The following CTNNA3 variants were observed in gnomAD, a reference collection of about 807,000 sequenced individuals.
CTNNA3 encodes the protein catenin alpha 3.
In CTNNA3, 76 loss-of-function variants were observed where a neutral mutation model predicts 95.7. The ratio of observed to expected loss-of-function variants is 0.79; its 90% CI spans 0.66 to 0.96. The LOEUF is 0.96. CTNNA3 is among the 40% of genes least tolerant of loss of function. The probability of loss-of-function intolerance (pLI) is 0.00; values close to 1 mark genes in which losing one functional copy is unlikely to be tolerated. For missense variants in CTNNA3, 1,191 were observed against 1,089.8 expected (o/e 1.09, Z -1.31); for synonymous variants, 431 against 374.4 (o/e 1.15, Z -1.74).
Position 67,566,051 on chromosome 10 carries a change from A to G in CTNNA3, c.293-26382T>C, listed in dbSNP as rs1332833681. 2.2e-3 allele frequency among the ~76,000 whole-genome samples: 182 copies of G among 81,670 alleles called. 22 individuals carry two copies. Among genetic ancestry groups the G allele is most frequent in the East Asian group, 0.012 (20 of 1,658 alleles). 53.6% of individuals were successfully genotyped at this position (81,670 alleles called of 152,430 possible). A position where few individuals can be genotyped will look rare whatever the true frequency, so the allele number is the denominator to read the frequency against. On this transcript the variant is annotated intron_variant, in intron 3 of 17. Coordinates refer to ENST00000433211, the MANE Select transcript of CTNNA3 (RefSeq NM_013266.4). ...CACACATATGTGTGTGTGTATATAT[A>G]TATATATATATATATATATATACAA...
chr10:67,616,567 G>A (rs1843664497), intron 2 of CTNNA3, among the ~76,000 whole-genome samples: 1 of 152,188 alleles, frequency 6.6e-6, no homozygotes, highest in Admixed American at 6.5e-5. Flanking sequence ...ATTGAATATG[G>A]GTTATGAAAG....
At position 65,920,635 on chromosome 10, in the gene CTNNA3, A is replaced by G. The variant is rs754788183; in HGVS notation, c.2401-18T>C. ...CTGTCCAACTGTAGGGAAAAAAGAG[A>G]AAAAAGAGCTATTATTCCAGGAGGT... On this transcript the variant is annotated intron_variant, in intron 17 of 17. Coordinates refer to ENST00000433211, the MANE Select transcript of CTNNA3 (RefSeq NM_013266.4). 3.1e-6 allele frequency: 5 copies of G among 1,599,312 alleles called. No individual in the cohort carries two copies. The highest frequency in any genetic ancestry group is 4.3e-6 in the Non-Finnish European group (5 of 1,170,822).
At chr10:66,701,693 T>A (rs960861480) in intron 9 of CTNNA3, among the ~76,000 whole-genome samples, 2 of 152,208 alleles carry the variant, frequency 1.3e-5, no homozygotes, top group Admixed American at 6.5e-5. Context: ...ACGGATCTTA[T>A]ATCCTGAAAC....
intron 13 of CTNNA3, among the ~76,000 whole-genome samples, chr10:66,254,470 G>A (rs934119170): frequency 4.6e-5 from 7 of 152,070 alleles, no homozygotes; most frequent in African/African-American, 1.7e-4. Flanking sequence ...CCACTTTAAA[G>A]TCCATAAAAA....
intron 9 of CTNNA3, among the ~76,000 whole-genome samples, chr10:66,714,096 C>T (rs1017303155): frequency 6.6e-6 from 1 of 152,112 alleles, no homozygotes; most frequent in Non-Finnish European, 1.5e-5. Context: ...GAGGAGACCA[C>T]ACCCAAAATG....
intron 7 of CTNNA3, among the ~76,000 whole-genome samples, chr10:67,144,724 G>A (rs889366364): frequency 3.9e-5 from 6 of 152,086 alleles, no homozygotes; most frequent in African/African-American, 1.4e-4. Flanking sequence ...CTTTGTGGCT[G>A]GTTTGATCTT....
chr10:67,095,087 T>C (rs1857902749), intron 7 of CTNNA3, among the ~76,000 whole-genome samples: 1 of 151,390 alleles, frequency 6.6e-6, no homozygotes, highest in South Asian at 2.1e-4. Flanking sequence ...TATATACACA[T>C]GGGTATATAT....
intron 2 of CTNNA3, among the ~76,000 whole-genome samples, chr10:67,642,722 A>AAT (rs1839579089): frequency 2.0e-5 from 3 of 152,084 alleles, no homozygotes; most frequent in African/African-American, 7.3e-5. Flanking sequence ...GTCTCAAAAA[A>AAT]AAAAAGTTCA....
In CTNNA3 at chr10:67,239,023, A is replaced by G. The variant is rs549533533; in HGVS notation, c.580-19153T>C. Among the ~76,000 whole-genome samples the G allele has an allele frequency of 5.9e-5, 9 of 152,322 alleles. No individual in the cohort carries two copies. The South Asian group carries it at 1.7e-3, about 28-fold the overall frequency. On this transcript the variant is annotated intron_variant, in intron 5 of 17. Transcript: ENST00000433211. ...CTCCAAGAAATAAAACATGGGGAAA[A>G]TATACCTTAATCCAGAGAGTTTGAA...
chr10:67,676,406 TG>T (rs1440355932), intron 1 of CTNNA3, among the ~76,000 whole-genome samples: 1 of 152,180 alleles, frequency 6.6e-6, no homozygotes, highest in Non-Finnish European at 1.5e-5. Flanking sequence ...GTAAAATATA[TG>T]TGTATATGTG....
intron 12 of CTNNA3, among the ~76,000 whole-genome samples, chr10:66,344,795 G>C (rs2092490220): frequency 6.6e-6 from 1 of 152,006 alleles, no homozygotes; most frequent in African/African-American, 2.4e-5. Context: ...GATTTAGAAA[G>C]CCAGTTGGTA....
intron 6 of CTNNA3, among the ~76,000 whole-genome samples, chr10:67,187,257 G>A (rs1239421676): frequency 2.6e-5 from 4 of 151,890 alleles, no homozygotes; most frequent in South Asian, 2.1e-4. Flanking sequence ...CATTTTGTGG[G>A]GTATTATCAT....
intron 16 of CTNNA3, among the ~76,000 whole-genome samples, chr10:65,967,729 T>C (rs146543122): frequency 3.5e-4 from 54 of 152,336 alleles, no homozygotes; most frequent in African/African-American, 1.3e-3. Context: ...TATCATACCA[T>C]GGTAAATAGC....
chr10:66,695,934 A>G (rs1336857513), intron 9 of CTNNA3, among the ~76,000 whole-genome samples: 1 of 151,630 alleles, frequency 6.6e-6, no homozygotes, highest in Non-Finnish European at 1.5e-5. Context: ...GGGCAATAAA[A>G]ATGTATTTTT....
chr10:66,865,010 A>G lies in CTNNA3; in HGVS notation c.1048-89486T>C, dbSNP rs1439698391. 2.0e-5 allele frequency among the ~76,000 whole-genome samples: 3 copies of G among 152,048 alleles called. No individual in the cohort carries two copies. The East Asian group carries it at 5.8e-4, about 29-fold the overall frequency. ...TTAGAGTGGCATATTTTAGAGAAAA[A>G]CCATAAAATATTGGAAAGAGAAAAG... On this transcript the variant is annotated intron_variant, in intron 7 of 17. Coordinates refer to ENST00000433211, the MANE Select transcript of CTNNA3 (RefSeq NM_013266.4).
chr10:67,750,937 C>T lies in CTNNA3; in HGVS notation c.-2+12497G>A, dbSNP rs189157202. ...CAGCCCCCTAGGCTCTCCGGATAGA[C>T]TTTGGGCCAAGCCAGAGGACCCTTC... is the stretch of plus-strand genomic sequence containing the variant. On this transcript the variant is annotated intron_variant, in intron 1 of 17. Coordinates refer to the CTNNA3 transcript ENST00000684154. 7,267 of 1,609,276 alleles carry T rather than the reference C, an allele frequency of 4.5e-3. 18 individuals carry two copies. Among genetic ancestry groups the T allele is most frequent in the Non-Finnish European group, 5.5e-3 (6,466 of 1,175,696 alleles).
intron 12 of CTNNA3, among the ~76,000 whole-genome samples, chr10:66,341,532 T>C (rs1352356134): frequency 6.6e-6 from 1 of 151,968 alleles, no homozygotes; most frequent in Non-Finnish European, 1.5e-5. Context: ...ATATCTTAAA[T>C]GTGAGGCTCA....
chr10:66,979,144 T>C (rs908883311), intron 7 of CTNNA3, among the ~76,000 whole-genome samples: 3 of 151,756 alleles, frequency 2.0e-5, no homozygotes, highest in African/African-American at 7.3e-5. Context: ...TAATTTTTGT[T>C]TTTAGTAGAG....
intron 7 of CTNNA3, among the ~76,000 whole-genome samples, chr10:66,855,635 C>T (rs1162820127): frequency 6.6e-6 from 1 of 151,898 alleles, no homozygotes; most frequent in Non-Finnish European, 1.5e-5. Context: ...TATTACCATT[C>T]CCCATTAGAT....
Sources: allele counts gnomAD v4.1 joint callset (sites outside exome capture counted in the v4.1 genomes callset), GRCh38; gene constraint gnomAD v4.1.1; transcripts MANE v1.5; gene names NCBI Gene and HGNC (gene_info 2026-07-23, HGNC 2026-07-21).